ZZEF1: variants seen among roughly 807,000 people sequenced by gnomAD.
ZZEF1 encodes zinc finger ZZ-type and EF-hand domain-containing protein 1.
In ZZEF1, 157 loss-of-function variants were observed where a neutral mutation model predicts 342.8. The ratio of observed to expected loss-of-function variants is 0.46; its 90% CI spans 0.40 to 0.52. The LOEUF (loss-of-function observed/expected upper bound fraction) is 0.52, where lower values mean the gene tolerates loss of function less well. Ranked by LOEUF, ZZEF1 falls within the 20% of genes least tolerant of loss-of-function variation. The pLI is 0.00. For synonymous variants in ZZEF1, 1,505 were observed against 1,429.1 expected (o/e 1.05, Z -1.20); for missense variants, 3,480 against 3,725.6 (o/e 0.93, Z 1.72).
chr17:4,106,685 C>T (rs957127923), intron 6 of ZZEF1, among the ~76,000 whole-genome samples: 1 of 152,106 alleles, frequency 6.6e-6, no homozygotes, highest in African/African-American at 2.4e-5. Flanking sequence ...TCTGAATCCC[C>T]CAATAGCTTT....
At position 4,085,693 on chromosome 17, in the gene ZZEF1, G is replaced by C; in HGVS notation, c.2623C>G (p.Arg875Gly). 6.2e-7 allele frequency: 1 copy of C among 1,614,122 alleles called. No homozygotes were observed. The highest frequency in any genetic ancestry group is 8.5e-7 in the Non-Finnish European group (1 of 1,179,998). Residue 875 changes from arginine (R) to glycine (G), a missense_variant, in exon 16 of 55, where the codon CGG (arginine) becomes GGG (glycine). Coordinates refer to ENST00000381638, the MANE Select transcript of ZZEF1 (RefSeq NM_015113.4). The stretch of plus-strand genomic sequence containing the variant: ...ACCATCATGGTGAAGAGATGGTTCC[G>C]TCGGGTCTGTCGATTAGGAAAGAAG... Reference protein sequence around the residue: ...AIFFPNRQTRRNHLFTMMNVT... With the variant: ...AIFFPNRQTRGNHLFTMMNVT...
At chr17:4,052,954 T>TCCTTCTCACTCTAAGGCCCTTGGGC (rs1242097013) in intron 34 of ZZEF1, among the ~76,000 whole-genome samples, 1 of 152,154 alleles carries the variant, frequency 6.6e-6, no homozygotes, top group Non-Finnish European at 1.5e-5. Flanking sequence ...TGCACTGGTC[T>TCCTTCTCACTCTAAGGCCCTTGGGC]CCTTCTCACT....
rs2056836806 is a variant in ZZEF1 at position 4,043,077 on chromosome 17, C to T, written c.6167-509G>A. Among the ~76,000 whole-genome samples the T allele has an allele frequency of 2.0e-5, 3 of 152,244 alleles. No homozygotes were observed. The South Asian group carries it at 6.2e-4, about 32-fold the overall frequency. On this transcript the variant is annotated intron_variant, in intron 38 of 54. Coordinates refer to ENST00000381638, the MANE Select transcript of ZZEF1 (RefSeq NM_015113.4). ...GCCTGAGCCCTGTTTAAATGAAAGACTGTCCTCCCAGAGCTCTCTTACCCC... is the reference window on the plus strand; with the variant it reads ...GCCTGAGCCCTGTTTAAATGAAAGATTGTCCTCCCAGAGCTCTCTTACCCC...
chr17:4,121,486 C>T (rs543584867), intron 2 of ZZEF1, among the ~76,000 whole-genome samples: 7 of 152,052 alleles, frequency 4.6e-5, no homozygotes, highest in African/African-American at 7.2e-5. Flanking sequence ...ATTAGCCGGA[C>T]GTGGTGGCAG....
intron 42 of ZZEF1, among the ~76,000 whole-genome samples, chr17:4,030,984 G>A (rs7219694): frequency 0.19 from 28,675 of 151,956 alleles, 2,769 homozygotes; most frequent in Middle Eastern, 0.24. Context: ...TTTGAGACCA[G>A]CCTGGCCAGC....
chr17:4,110,886 T>C (rs1333978296), intron 5 of ZZEF1, among the ~76,000 whole-genome samples: 1 of 152,046 alleles, frequency 6.6e-6, no homozygotes, highest in Non-Finnish European at 1.5e-5. Flanking sequence ...GGCTAATTTT[T>C]GTATTTGGTA....
In ZZEF1 at chr17:4,044,209, T is replaced by C; in HGVS notation, c.6166+15A>G. 6.2e-7 allele frequency: 1 copy of C among 1,612,592 alleles called. No homozygotes were observed. The highest frequency in any genetic ancestry group is 8.5e-7 in the Non-Finnish European group (1 of 1,179,396). ...AAGATGAAAGAGATGAAGATAATGGTCAAATAGTCTTTACCTGGAAGTCCT... is the reference window on the plus strand; with the variant it reads ...AAGATGAAAGAGATGAAGATAATGGCCAAATAGTCTTTACCTGGAAGTCCT... On this transcript the variant is annotated intron_variant, in intron 38 of 54. Coordinates refer to ENST00000381638, the MANE Select transcript of ZZEF1 (RefSeq NM_015113.4).
intron 23 of ZZEF1, among the ~76,000 whole-genome samples, 190 bp from the exon 24 acceptor site, chr17:4,074,541 A>G (rs901923981): frequency 1.3e-5 from 2 of 152,198 alleles, no homozygotes; most frequent in African/African-American, 4.8e-5. Flanking sequence ...CCCCATGAAG[A>G]AGGAGAGTTG....
At chr17:4,124,112 G>T in intron 1 of ZZEF1, 61 bp from the exon 2 acceptor site, 1 of 1,511,644 alleles carries the variant, frequency 6.6e-7, no homozygotes. Flanking sequence ...GCAGTTTCAA[G>T]TTTCTTTTAT....
rs115611379 is a variant in ZZEF1 at position 4,118,609 on chromosome 17, C to T, written c.500-1443G>A. 5.2e-3 allele frequency among the ~76,000 whole-genome samples: 797 copies of T among 152,296 alleles called. 10 individuals are homozygous for T. The highest frequency in any genetic ancestry group is 0.018 in the African/African-American group (764 of 41,556). ...CTGGACCCCTCTCAAAACTGGCAGC[C>T]TTTCGGGTCACTGGATAAATGGGCC... On this transcript the variant is annotated intron_variant, in intron 2 of 54. Transcript: ENST00000381638.
Position 4,066,519 on chromosome 17 carries a change from G to A in ZZEF1, c.4177C>T (p.Leu1393=). The part of the protein sequence containing the change: ...IWMLEMKQKS[L]MSLGNEAEEK... Reference sequence around the variant, plus strand: ...TCTGCTTCATTCCCCAGGCTCATCAGGGACTTCTGCTTCATCTCTAACTAG... The same window carrying A: ...TCTGCTTCATTCCCCAGGCTCATCAAGGACTTCTGCTTCATCTCTAACTAG... Residue 1393 remains leucine (L), a synonymous_variant, in exon 28 of 55, where the codon CTG becomes TTG. Coordinates refer to ENST00000381638, the MANE Select transcript of ZZEF1 (RefSeq NM_015113.4). 2 of 1,614,054 alleles carry A rather than the reference G, an allele frequency of 1.2e-6. No homozygotes were observed. The highest frequency in any genetic ancestry group is 1.7e-6 in the Non-Finnish European group (2 of 1,180,018).
intron 1 of ZZEF1, among the ~76,000 whole-genome samples, chr17:4,136,751 G>C (rs4602071): frequency 0.92 from 139,746 of 152,230 alleles, 65,338 homozygotes; most frequent in East Asian, 1. Context: ...GGTTCAGACT[G>C]TAGGCTAGGT....
chr17:4,012,200 T>C (rs563568625), intron 52 of ZZEF1, among the ~76,000 whole-genome samples: 30 of 152,296 alleles, frequency 2.0e-4, no homozygotes, highest in Admixed American at 3.3e-4. Context: ...AGACTGTGCT[T>C]ACTGGACTCG....
chr17:4,112,520 G>A (rs2058330504), intron 5 of ZZEF1, 89 bp downstream of exon 5: 23 of 1,317,858 alleles, frequency 1.7e-5, no homozygotes, highest in Middle Eastern at 4.8e-4. Context: ...GAAGCAAACC[G>A]AATCTCAAAA....
intron 39 of ZZEF1, among the ~76,000 whole-genome samples, chr17:4,034,656 T>C (rs1472296674): frequency 6.6e-6 from 1 of 152,180 alleles, no homozygotes; most frequent in Non-Finnish European, 1.5e-5. Context: ...TTAAGTGTGA[T>C]GAATAGTCTT....
chr17:4,104,640 G>A lies in ZZEF1; in HGVS notation c.1566C>T (p.Leu522=). 6.2e-7 allele frequency: 1 copy of A among 1,613,626 alleles called. No homozygotes were observed. Among genetic ancestry groups the A allele is most frequent in the Non-Finnish European group, 8.5e-7 (1 of 1,179,870 alleles). ...ATGTTTTACCATATTTACCATATTT[G>A]AGGAGCAGGTTCTGTCTGACTGACG... ...SMASVRQNLL[L]KYGKPLQLTL... Residue 522 remains leucine (L), a synonymous_variant, in exon 8 of 55, where the codon CTC becomes CTT. Transcript: ENST00000381638.
In ZZEF1 at chr17:4,050,869, G is replaced by A. The variant is rs1252061460; in HGVS notation, c.5775C>T (p.Asp1925=). ...SAEDVDGEKL[D]PQTRSSATTL... ...TGGTGGCACTGCTGCGCGTCTGGGGGTCCAGCTTCTCCCCATCCACATCCT... is the reference window on the plus strand; with the variant it reads ...TGGTGGCACTGCTGCGCGTCTGGGGATCCAGCTTCTCCCCATCCACATCCT... Residue 1925 remains aspartate (D), a synonymous_variant, in exon 36 of 55, where the codon GAC becomes GAT. Coordinates refer to ENST00000381638, the MANE Select transcript of ZZEF1 (RefSeq NM_015113.4). The A allele has an allele frequency of 1.8e-5, 29 of 1,614,104 alleles. No individual in the cohort carries two copies. The highest frequency in any genetic ancestry group is 2.4e-5 in the Non-Finnish European group (28 of 1,180,052).
At chr17:4,111,661 A>AAAAAAAAAAG (rs150016203) in intron 5 of ZZEF1, among the ~76,000 whole-genome samples, 1 of 139,026 alleles carries the variant, frequency 7.2e-6, no homozygotes, top group Non-Finnish European at 1.5e-5. Context: ...TCTGTCTCAA[A>AAAAAAAAAAG]AAAAAAATAT....
chr17:4,128,743 T>G (rs1458449876), intron 1 of ZZEF1, among the ~76,000 whole-genome samples: 2 of 150,484 alleles, frequency 1.3e-5, no homozygotes, highest in Non-Finnish European at 2.9e-5. Context: ...ATTAAAGGCG[T>G]GAGCTACTGC....
Sources: allele counts gnomAD v4.1 joint callset (sites outside exome capture counted in the v4.1 genomes callset), GRCh38; gene constraint gnomAD v4.1.1; transcripts MANE v1.5; gene names NCBI Gene and HGNC (gene_info 2026-07-23, HGNC 2026-07-21).